Variants in SHISAL1 observed in about 807,000 individuals in gnomAD.
The protein encoded by SHISAL1 is protein shisa-like-1.
SHISAL1 carries 9 observed loss-of-function variants against 22.6 expected under a neutral mutation model. The observed-to-expected ratio is 0.40, with a 90% CI of 0.24 to 0.70. The LOEUF is 0.70. SHISAL1 is among the 30% of genes least tolerant of loss of function. The pLI is 0.39. For synonymous variants in SHISAL1, 119 were observed against 115.4 expected (o/e 1.03, Z -0.20); for missense variants, 246 against 270.6 (o/e 0.91, Z 0.64).
the SHISAL1 span, among the ~76,000 whole-genome samples, chr22:44,330,852 G>A: frequency 1.3e-5 from 2 of 151,956 alleles, no homozygotes; most frequent in African/African-American, 2.4e-5. Flanking sequence ...ATTCGGCCCC[G>A]GAGGCGACAG....
intron 3 of SHISAL1, among the ~76,000 whole-genome samples, chr22:44,289,607 CG>C (rs1172849595): frequency 2.0e-5 from 3 of 152,154 alleles, no homozygotes; most frequent in South Asian, 4.1e-4. Context: ...GCCTGCCTGC[CG>C]GGGGGTGTTG....
At chr22:44,250,546 A>T (rs528000284) in intron 4 of SHISAL1, among the ~76,000 whole-genome samples, 259 of 152,326 alleles carry the variant, frequency 1.7e-3, no homozygotes, top group Non-Finnish European at 3.3e-3. Context: ...TGTGTCTATT[A>T]TAAGAGCAAT....
intron 1 of SHISAL1, among the ~76,000 whole-genome samples, chr22:44,304,034 T>C (rs2055452767): frequency 6.6e-6 from 1 of 152,202 alleles, no homozygotes; most frequent in Non-Finnish European, 1.5e-5. Flanking sequence ...TGGTGGAAGA[T>C]GATGGGCAGT....
At chr22:44,253,099 C>G (rs2055060127) in intron 4 of SHISAL1, among the ~76,000 whole-genome samples, 1 of 152,098 alleles carries the variant, frequency 6.6e-6, no homozygotes. Context: ...CTTAATACCC[C>G]TGAACTGTAT....
the SHISAL1 span, among the ~76,000 whole-genome samples, chr22:44,327,152 C>T: frequency 2.0e-5 from 3 of 152,056 alleles, no homozygotes; most frequent in Non-Finnish European, 4.4e-5. Context: ...CATCACAGCA[C>T]AGCACACGAG....
chr22:44,312,156 ACCTG>A (rs1276059449), intron 1 of SHISAL1, among the ~76,000 whole-genome samples: 1 of 152,206 alleles, frequency 6.6e-6, no homozygotes, highest in African/African-American at 2.4e-5. Flanking sequence ...GGGACAACAA[ACCTG>A]CCTTGAAGGC....
chr22:44,301,358 G>T (rs955369757), intron 1 of SHISAL1, among the ~76,000 whole-genome samples: 1 of 152,106 alleles, frequency 6.6e-6, no homozygotes, highest in Non-Finnish European at 1.5e-5. Context: ...CTGCTGTGTC[G>T]CTAAGGTGGA....
At chr22:44,256,039 C>T (rs2147269383) in intron 4 of SHISAL1, among the ~76,000 whole-genome samples, 1 of 152,358 alleles carries the variant, frequency 6.6e-6, no homozygotes, top group Non-Finnish European at 1.5e-5. Flanking sequence ...AGGGGGAATT[C>T]ATGCTATCTC....
intron 1 of SHISAL1, among the ~76,000 whole-genome samples, chr22:44,311,584 C>T (rs1368097387): frequency 6.6e-6 from 1 of 152,184 alleles, no homozygotes; most frequent in African/African-American, 2.4e-5. Context: ...GCTACTGTCT[C>T]GAATGTTGGA....
In SHISAL1 at chr22:44,251,903, T is replaced by C. The variant is rs183877544; in HGVS notation, c.*-2218A>G. 5.3e-5 allele frequency among the ~76,000 whole-genome samples: 8 copies of C among 152,038 alleles called. No homozygotes were observed. The East Asian group carries it at 1.6e-3, about 30-fold the overall frequency. On this transcript the variant is annotated intron_variant, in intron 4 of 4. Transcript: ENST00000381176. Reference sequence around the variant, plus strand: ...AGGTACTTATTGCCCCTGAACCGTATACTTAAAAATGGTTAAAATGGTAAA... The same window carrying C: ...AGGTACTTATTGCCCCTGAACCGTACACTTAAAAATGGTTAAAATGGTAAA...
intron 2 of SHISAL1, 39 bp from the exon 3 acceptor site, chr22:44,296,924 C>A: frequency 1.9e-6 from 3 of 1,540,338 alleles, no homozygotes; most frequent in South Asian, 1.1e-5. Context: ...GGGTCCCTCA[C>A]CAGTCCACGG....
chr22:44,277,468 C>CAAAACAA (rs1555927425), intron 4 of SHISAL1, among the ~76,000 whole-genome samples: 1 of 152,132 alleles, frequency 6.6e-6, no homozygotes, highest in Non-Finnish European at 1.5e-5. Flanking sequence ...CAAAACAAAA[C>CAAAACAA]AAAACAAAAC....
At chr22:44,264,260 C>T (rs1031936562) in intron 4 of SHISAL1, among the ~76,000 whole-genome samples, 1 of 152,194 alleles carries the variant, frequency 6.6e-6, no homozygotes, top group Non-Finnish European at 1.5e-5. Flanking sequence ...CTCCATTTTA[C>T]AGTTGCGTAA....
In SHISAL1 at chr22:44,283,061, T is replaced by C. The variant is rs149026221; in HGVS notation, c.599+2367A>G. Reference sequence around the variant, plus strand: ...TGAAATCCCCTCTCACGTTGGTTCCTCAACTGGCAAAACTGAAGCCCAAAA... The same window carrying C: ...TGAAATCCCCTCTCACGTTGGTTCCCCAACTGGCAAAACTGAAGCCCAAAA... On this transcript the variant is annotated intron_variant, in intron 4 of 4. Coordinates refer to ENST00000381176, the MANE Select transcript of SHISAL1 (RefSeq NM_001099294.2). Among the ~76,000 whole-genome samples, 653 of 152,306 alleles carry C rather than the reference T, an allele frequency of 4.3e-3. 5 individuals carry two copies. Among genetic ancestry groups the C allele is most frequent in the African/African-American group, 0.015 (617 of 41,560 alleles).
At chr22:44,260,002 C>G (rs938963383) in intron 4 of SHISAL1, among the ~76,000 whole-genome samples, 5 of 152,182 alleles carry the variant, frequency 3.3e-5, no homozygotes, top group Non-Finnish European at 7.3e-5. Flanking sequence ...GATTCTCCCC[C>G]ACCAGGAGAT....
rs202050222 is a variant in SHISAL1, at chr22:44,255,191, T to TA, written c.*-5507_*-5506insT. Among the ~76,000 whole-genome samples, 1,081 of 151,982 alleles carry TA rather than the reference T, an allele frequency of 7.1e-3. 16 individuals are homozygous for TA. Among genetic ancestry groups the TA allele is most frequent in the African/African-American group, 0.024 (992 of 41,452 alleles). On this transcript the variant is annotated intron_variant, in intron 4 of 4. Coordinates refer to ENST00000381176, the MANE Select transcript of SHISAL1 (RefSeq NM_001099294.2). Reference sequence around the variant, plus strand: ...AACACTGTATGTTGATATATATATATTTTTTTTGAGATGGAGTCGGAGTTT... The same window carrying TA: ...AACACTGTATGTTGATATATATATATATTTTTTTGAGATGGAGTCGGAGTTT...
chr22:44,288,980 C>T (rs2055334742), intron 3 of SHISAL1, among the ~76,000 whole-genome samples: 4 of 152,254 alleles, frequency 2.6e-5, no homozygotes, highest in Non-Finnish European at 5.9e-5. Context: ...CAGCCTTAGG[C>T]TGTAAATACT....
At chr22:44,270,383 G>T (rs1188935320) in intron 4 of SHISAL1, among the ~76,000 whole-genome samples, 1 of 152,172 alleles carries the variant, frequency 6.6e-6, no homozygotes, top group African/African-American at 2.4e-5. Context: ...GGGTGACAAG[G>T]ACGTGTCCCT....
chr22:44,330,270 A>G, the SHISAL1 span, among the ~76,000 whole-genome samples: 1 of 152,226 alleles, frequency 6.6e-6, no homozygotes, highest in East Asian at 1.9e-4. Flanking sequence ...AGATGAGGAA[A>G]CGGGCTGGGA....
Sources: gnomAD v4.1 joint callset for allele counts (sites outside exome capture counted in the v4.1 genomes callset) on GRCh38, gnomAD v4.1.1 for gene constraint, MANE v1.5 for transcripts, NCBI Gene and HGNC (gene_info 2026-07-23, HGNC 2026-07-21) for gene names.